Variants in FILIP1L observed in about 807,000 individuals in gnomAD.
FILIP1L encodes filamin A-interacting protein 1-like.
FILIP1L carries 55 observed loss-of-function variants against 96.6 expected under a neutral mutation model. The observed-to-expected ratio is 0.57, with a 90% CI of 0.46 to 0.71. The LOEUF (loss-of-function observed/expected upper bound fraction) is 0.71, where lower values mean the gene tolerates loss of function less well. Ranked by LOEUF, FILIP1L falls within the 30% of genes least tolerant of loss-of-function variation. The probability of loss-of-function intolerance (pLI) is 0.00; values close to 1 mark genes in which losing one functional copy is unlikely to be tolerated. For missense variants in FILIP1L, 1,304 were observed against 1,321.2 expected (o/e 0.99, Z 0.20); for synonymous variants, 467 against 473.9 (o/e 0.99, Z 0.19).
At chr3:99,845,918 A>C (rs1330044896) in intron 5 of FILIP1L, among the ~76,000 whole-genome samples, 2 of 152,216 alleles carry the variant, frequency 1.3e-5, no homozygotes, top group Non-Finnish European at 2.9e-5. Flanking sequence ...GTTATGTTAG[A>C]TTAACTACTT....
At chr3:99,903,165 TAA>T (rs1706492666) in intron 4 of FILIP1L, among the ~76,000 whole-genome samples, 1 of 152,146 alleles carries the variant, frequency 6.6e-6, no homozygotes, top group Admixed American at 6.5e-5. Flanking sequence ...TTATGAGGAT[TAA>T]AGTTTAAGAG....
chr3:99,988,236 G>T (rs931877901), intron 1 of FILIP1L, among the ~76,000 whole-genome samples: 1 of 150,434 alleles, frequency 6.6e-6, no homozygotes, highest in Non-Finnish European at 1.5e-5. Context: ...AGTGCCTCAC[G>T]CCTGTAATCC....
chr3:99,862,743 G>C (rs751183042), intron 4 of FILIP1L, among the ~76,000 whole-genome samples: 2 of 152,132 alleles, frequency 1.3e-5, no homozygotes, highest in African/African-American at 4.8e-5. Flanking sequence ...CTTTGTGTTC[G>C]TTGTCTCTGG....
At position 99,849,302 on chromosome 3, in the gene FILIP1L, C is replaced by T. The variant is rs766486139; in HGVS notation, c.2374G>A (p.Asp792Asn). Reference protein sequence around the residue: ...RPSLNGRRISDPQVFSKEVQT... With the variant: ...RPSLNGRRISNPQVFSKEVQT... ...ACTTCTTTAGAAAATACTTGAGGAT[C>T]GGAAATTCTTCTTCCATTGAGACTA... Residue 792 changes from aspartate to asparagine, a missense_variant, in exon 5 of 6, where the codon GAT becomes AAT. Asp to Asn is a conservative substitution (Grantham distance 23). Transcript: ENST00000477258. The T allele has an allele frequency of 3.1e-6, 5 of 1,613,962 alleles. No homozygotes were observed. The highest frequency in any genetic ancestry group is 1.7e-5 in the Admixed American group (1 of 60,002).
chr3:99,842,902 C>G (rs1378368357), intron 5 of FILIP1L, among the ~76,000 whole-genome samples: 1 of 152,152 alleles, frequency 6.6e-6, no homozygotes, highest in Non-Finnish European at 1.5e-5. Context: ...CGCTAGACTC[C>G]CTCAAGATTC....
chr3:100,001,442 A>T (rs1709839752), intron 1 of FILIP1L, among the ~76,000 whole-genome samples: 1 of 152,228 alleles, frequency 6.6e-6, no homozygotes, highest in African/African-American at 2.4e-5. Flanking sequence ...TAGTTGATCA[A>T]AAAGATTATA....
At chr3:99,832,831 C>CTCTG (rs1942732546) in intron 5 of FILIP1L, among the ~76,000 whole-genome samples, 1 of 133,476 alleles carries the variant, frequency 7.5e-6, no homozygotes, top group Admixed American at 7.8e-5. Context: ...CAGAGCAAGA[C>CTCTG]TCTGTCTCAA....
At chr3:100,061,155 T>G (rs1282048476) in intron 1 of FILIP1L, among the ~76,000 whole-genome samples, 1 of 152,104 alleles carries the variant, frequency 6.6e-6, no homozygotes, top group African/African-American at 2.4e-5. Flanking sequence ...AAAAAAAAAT[T>G]TTAAAAGGAA....
chr3:99,975,992 C>G (rs552173008), intron 1 of FILIP1L, among the ~76,000 whole-genome samples: 2 of 152,312 alleles, frequency 1.3e-5, no homozygotes, highest in Admixed American at 6.5e-5. Flanking sequence ...TCAAGCGATT[C>G]TCCTGCCTCA....
chr3:99,880,492 G>A (rs972320501), intron 4 of FILIP1L, among the ~76,000 whole-genome samples: 6 of 152,088 alleles, frequency 3.9e-5, no homozygotes, highest in Non-Finnish European at 7.4e-5. Context: ...TTTCCAGAAG[G>A]CTTCCAATTA....
chr3:99,877,733 T>C (rs139566621), intron 4 of FILIP1L, among the ~76,000 whole-genome samples: 5 of 152,338 alleles, frequency 3.3e-5, no homozygotes, highest in African/African-American at 1.2e-4. Flanking sequence ...CTCATACTTA[T>C]TAAATATCCT....
intron 4 of FILIP1L, among the ~76,000 whole-genome samples, chr3:99,875,127 T>C (rs913942219): frequency 1.4e-4 from 22 of 152,224 alleles, no homozygotes. Flanking sequence ...TCATCTCCTA[T>C]TCCAGTGTTC....
intron 1 of FILIP1L, among the ~76,000 whole-genome samples, chr3:100,029,593 C>A (rs1234398893): frequency 6.6e-6 from 1 of 152,068 alleles, no homozygotes; most frequent in Non-Finnish European, 1.5e-5. Context: ...AAGGTTTATT[C>A]CAGCCTAAAT....
At chr3:99,987,252 G>A (rs926644754) in intron 1 of FILIP1L, among the ~76,000 whole-genome samples, 3 of 150,922 alleles carry the variant, frequency 2.0e-5, no homozygotes, top group African/African-American at 7.3e-5. Flanking sequence ...AAAAAGGCCA[G>A]GCACAGTGGC....
chr3:100,058,407 A>G (rs2065502392), intron 1 of FILIP1L, among the ~76,000 whole-genome samples: 1 of 152,222 alleles, frequency 6.6e-6, no homozygotes, highest in South Asian at 2.1e-4. Flanking sequence ...ATCACCTCTG[A>G]AGGCAGGCAG....
intron 4 of FILIP1L, among the ~76,000 whole-genome samples, chr3:99,918,799 C>A (rs905869804): frequency 2.6e-5 from 4 of 152,164 alleles, no homozygotes; most frequent in Non-Finnish European, 5.9e-5. Context: ...TATAGAATTA[C>A]AATAACAAAA....
In FILIP1L at chr3:99,848,283, T is replaced by C; in HGVS notation, c.3381+12A>G. 6.2e-7 allele frequency: 1 copy of C among 1,613,896 alleles called. No homozygotes were observed. Among genetic ancestry groups the C allele is most frequent in the Non-Finnish European group, 8.5e-7 (1 of 1,179,852 alleles). ...ATGAGGGTGAGCGTGGTCAGTTATATATATTACTTACTGTAATTTGTGATT... is the reference window on the plus strand; with the variant it reads ...ATGAGGGTGAGCGTGGTCAGTTATACATATTACTTACTGTAATTTGTGATT... On this transcript the variant is annotated intron_variant, in intron 5 of 5. Transcript: ENST00000477258.
intron 4 of FILIP1L, 95 bp from the exon 5 acceptor site, chr3:99,851,165 TATATG>T: frequency 9.8e-7 from 1 of 1,016,196 alleles, no homozygotes; most frequent in Non-Finnish European, 1.4e-6. Flanking sequence ...ATTATGTAAT[TATATG>T]AGCTGTGTCA....
At chr3:99,998,592 T>C (rs1318013307) in intron 1 of FILIP1L, among the ~76,000 whole-genome samples, 2 of 152,110 alleles carry the variant, frequency 1.3e-5, no homozygotes, top group African/African-American at 4.8e-5. Context: ...CAAAACTTAG[T>C]CTTTCCAGCA....
Sources: allele counts gnomAD v4.1 joint callset (sites outside exome capture counted in the v4.1 genomes callset), GRCh38; gene constraint gnomAD v4.1.1; transcripts MANE v1.5; gene names NCBI Gene and HGNC (gene_info 2026-07-23, HGNC 2026-07-21).